The following ADGRV1 variants were observed in gnomAD, a reference collection of about 807,000 sequenced individuals.
ADGRV1 encodes the protein G-protein coupled receptor 98.
ADGRV1 carries 359 observed loss-of-function variants against 596.2 expected under a neutral mutation model. The ratio of observed to expected loss-of-function variants is 0.60; its 90% CI spans 0.55 to 0.66. The LOEUF (loss-of-function observed/expected upper bound fraction) is 0.66. Among genes scored for constraint, ADGRV1 ranks in the 30% least tolerant of loss-of-function variants. The pLI is 0.00. For missense variants in ADGRV1, 7,274 were observed against 7,575.6 expected (o/e 0.96, Z 1.48); for synonymous variants, 2,681 against 2,679.2 (o/e 1.00, Z -0.02).
At chr5:90,914,430 A>G (rs1773167818) in intron 83 of ADGRV1, among the ~76,000 whole-genome samples, 1 of 152,186 alleles carries the variant, frequency 6.6e-6, no homozygotes, top group South Asian at 2.1e-4. Context: ...CTATTTTTAA[A>G]ATGATGAAAC....
intron 21 of ADGRV1, among the ~76,000 whole-genome samples, chr5:90,660,533 T>TA (rs35855708): frequency 2.6e-5 from 4 of 151,710 alleles, no homozygotes. Flanking sequence ...AATTTAACGT[T>TA]AAAAAAAATT....
At chr5:90,951,773 T>C (rs971596678) in intron 83 of ADGRV1, among the ~76,000 whole-genome samples, 6 of 152,200 alleles carry the variant, frequency 3.9e-5, no homozygotes, top group Non-Finnish European at 8.8e-5. Context: ...TTAGCCAATA[T>C]GCTCAGTACT....
At chr5:90,593,728 C>A (rs1759850321) in intron 1 of ADGRV1, among the ~76,000 whole-genome samples, 1 of 151,734 alleles carries the variant, frequency 6.6e-6, no homozygotes, top group Non-Finnish European at 1.5e-5. Flanking sequence ...TCTCCCGAAA[C>A]CCATTGAAAT....
At chr5:90,636,615 A>T (rs1471262187) in intron 10 of ADGRV1, among the ~76,000 whole-genome samples, 4 of 152,194 alleles carry the variant, frequency 2.6e-5, no homozygotes, top group South Asian at 4.1e-4. Context: ...CCCTGTTGGG[A>T]AACAGCAGAA....
chr5:90,832,078 T>G (rs1764574297), intron 77 of ADGRV1, among the ~76,000 whole-genome samples: 1 of 152,176 alleles, frequency 6.6e-6, no homozygotes, highest in African/African-American at 2.4e-5. Context: ...TCTTTTCTTT[T>G]GGGTATATCC....
At chr5:91,134,255 A>G (rs1794449450) in intron 87 of ADGRV1, among the ~76,000 whole-genome samples, 1 of 151,638 alleles carries the variant, frequency 6.6e-6, no homozygotes, top group Admixed American at 6.6e-5. Context: ...TGGCCTGATC[A>G]TCGCTCACTG....
At chr5:90,784,344 CT>C (rs1759192513) in intron 67 of ADGRV1, among the ~76,000 whole-genome samples, 1 of 152,168 alleles carries the variant, frequency 6.6e-6, no homozygotes, top group Non-Finnish European at 1.5e-5. Context: ...GTGTCACACA[CT>C]GTTCTAGGTA....
Position 90,625,131 on chromosome 5 carries a change from T to C in ADGRV1, c.560T>C (p.Val187Ala), listed in dbSNP as rs950784228. 6.3e-7 allele frequency: 1 copy of C among 1,597,170 alleles called. No individual in the cohort carries two copies. Among genetic ancestry groups the C allele is most frequent in the South Asian group, 1.1e-5 (1 of 89,766 alleles). Residue 187 changes from valine (V) to alanine (A), a missense_variant and splice_region_variant, in exon 6 of 90, where the codon GTA (valine) becomes GCA (alanine). Physicochemically the swap from Val to Ala is moderately conservative, Grantham distance 64. Transcript: ENST00000405460. The part of the protein sequence containing the change: ...TYGMVMVTFE[V>A]EGGPNPPDED... ...ATGGCATTTTGTGTTTCTTTGCAGGTAGAGGGTGGCCCAAATCCCCCTGAT... is the reference window on the plus strand; with the variant it reads ...ATGGCATTTTGTGTTTCTTTGCAGGCAGAGGGTGGCCCAAATCCCCCTGAT...
intron 31 of ADGRV1, 96 bp from the exon 32 acceptor site, chr5:90,692,503 TCTTGTA>T (rs1416647879): frequency 8.5e-6 from 7 of 828,252 alleles, no homozygotes; most frequent in African/African-American, 3.5e-5. Flanking sequence ...TCCATTTTGT[TCTTGTA>T]CTTGTATGTA....
At chr5:90,615,058 T>TA (rs1448149231) in intron 2 of ADGRV1, 39 bp downstream of exon 2, 1 of 1,255,546 alleles carries the variant, frequency 8.0e-7, no homozygotes, top group Non-Finnish European at 1.1e-6. Context: ...CTGAAATAGA[T>TA]ATGACGTTTC....
Position 90,837,481 on chromosome 5 carries a change from C to A in ADGRV1, c.16612-3097C>A, listed in dbSNP as rs557843211. On this transcript the variant is annotated intron_variant, in intron 77 of 89. Coordinates refer to ENST00000405460, the MANE Select transcript of ADGRV1 (RefSeq NM_032119.4). ...TGCCTCCTGGGTTCAAGCTATTCTC[C>A]CGGCTCAGTCTCTCGAGTAACTGCG... Among the ~76,000 whole-genome samples the A allele has an allele frequency of 1.5e-3, 224 of 151,526 alleles. 2 individuals carry two copies. The highest frequency in any genetic ancestry group is 7.1e-3 in the South Asian group (34 of 4,792).
intron 86 of ADGRV1, among the ~76,000 whole-genome samples, chr5:91,097,550 A>G (rs1015863748): frequency 1.3e-5 from 2 of 152,206 alleles, no homozygotes; most frequent in African/African-American, 4.8e-5. Context: ...GCAAATATCC[A>G]TTTGAGTACC....
intron 86 of ADGRV1, among the ~76,000 whole-genome samples, chr5:91,079,052 G>T (rs1320940150): frequency 6.6e-6 from 1 of 151,996 alleles, no homozygotes; most frequent in Admixed American, 6.6e-5. Flanking sequence ...GCAGAATTGG[G>T]GCTTCTGCTA....
chr5:90,610,155 T>G (rs1320862485), intron 1 of ADGRV1, among the ~76,000 whole-genome samples: 1 of 151,904 alleles, frequency 6.6e-6, no homozygotes, highest in Non-Finnish European at 1.5e-5. Flanking sequence ...TTTATTTGAG[T>G]CAAGATGGGA....
In ADGRV1 at chr5:90,810,219, AATTT is replaced by A; in HGVS notation, c.14973-13_14973-10del. The stretch of plus-strand genomic sequence containing the variant: ...TAAAAAATCAATTTCTTCATGATTT[AATTT>A]TTTTCCCAGATCAGGTTTCATTGTT... On this transcript the variant is annotated splice_polypyrimidine_tract_variant and intron_variant, in intron 73 of 89. Coordinates refer to ENST00000405460, the MANE Select transcript of ADGRV1 (RefSeq NM_032119.4). 1 of 1,519,678 alleles carries A rather than the reference AATTT, an allele frequency of 6.6e-7. No individual in the cohort carries two copies. Among genetic ancestry groups the A allele is most frequent in the Non-Finnish European group, 8.8e-7 (1 of 1,133,904 alleles). 94.1% of individuals were successfully genotyped at this position (1,519,678 alleles called of 1,614,324 possible).
chr5:91,088,820 T>G (rs958401198), intron 86 of ADGRV1, among the ~76,000 whole-genome samples: 3 of 152,152 alleles, frequency 2.0e-5, no homozygotes, highest in Non-Finnish European at 4.4e-5. Flanking sequence ...AAAATTAAGG[T>G]CTACATGTAA....
At chr5:91,125,229 T>C (rs1793648130) in intron 87 of ADGRV1, among the ~76,000 whole-genome samples, 1 of 152,206 alleles carries the variant, frequency 6.6e-6, no homozygotes, top group Non-Finnish European at 1.5e-5. Context: ...GAGGTTGACA[T>C]CCCCTAAACT....
chr5:90,696,895 G>GAAA, intron 33 of ADGRV1, 42 bp from the exon 34 acceptor site: 1 of 1,476,472 alleles, frequency 6.8e-7, no homozygotes, highest in East Asian at 2.3e-5. Flanking sequence ...CTGTGTTGGT[G>GAAA]ATTTTGTTAC....
chr5:91,062,187 T>C lies in ADGRV1; in HGVS notation c.18153-10260T>C, dbSNP rs57862508. Among the ~76,000 whole-genome samples, 668 of 152,314 alleles carry C rather than the reference T, an allele frequency of 4.4e-3. 12 individuals are homozygous for C. The highest frequency in any genetic ancestry group is 0.015 in the African/African-American group (612 of 41,574). ...CTTTTCTCTTGCTTCCTCTTCCCCT[T>C]TCTCTGTTCATTTATTCTGAAGATT... is the stretch of plus-strand genomic sequence containing the variant. On this transcript the variant is annotated intron_variant, in intron 85 of 89. Coordinates refer to ENST00000405460, the MANE Select transcript of ADGRV1 (RefSeq NM_032119.4).
Sources: allele counts gnomAD v4.1 joint callset (sites outside exome capture counted in the v4.1 genomes callset), GRCh38; gene constraint gnomAD v4.1.1; transcripts MANE v1.5; gene names NCBI Gene and HGNC (gene_info 2026-07-23, HGNC 2026-07-21).